SLA: variants seen among roughly 807,000 people sequenced by gnomAD.
SLA encodes the protein Src like adaptor.
In SLA, 16 loss-of-function variants were observed where a neutral mutation model predicts 30.3. That is an observed-to-expected ratio of 0.53 (90% CI 0.36 to 0.80). The LOEUF (loss-of-function observed/expected upper bound fraction) is 0.80, where lower values mean the gene tolerates loss of function less well. Among genes scored for constraint, SLA ranks in the 30% least tolerant of loss-of-function variants. The pLI is 0.01. For synonymous variants in SLA, 143 were observed against 137.8 expected (o/e 1.04, Z -0.26); for missense variants, 310 against 345.2 (o/e 0.90, Z 0.81).
Position 133,072,050 on chromosome 8 carries a change from C to G in SLA, c.-41+2803G>C, listed in dbSNP as rs568820320. The stretch of plus-strand genomic sequence containing the variant: ...ACCGTCTGAGGTAGCTATTTTGCCC[C>G]TAAGCACAAGCCAGCAACAATTCTC... On this transcript the variant is annotated intron_variant, in intron 2 of 8. Transcript: ENST00000338087. Among the ~76,000 whole-genome samples the G allele has an allele frequency of 5.9e-5, 9 of 152,294 alleles. No individual in the cohort carries two copies. The East Asian group carries it at 1.7e-3, about 29-fold the overall frequency.
intron 1 of SLA, among the ~76,000 whole-genome samples, chr8:133,096,046 G>T (rs150574063): frequency 1.1e-3 from 166 of 152,298 alleles, no homozygotes; most frequent in African/African-American, 3.7e-3. Context: ...CCCTGACTTT[G>T]TCACATGGTG....
intron 2 of SLA, among the ~76,000 whole-genome samples, chr8:133,067,702 T>A (rs1289773800): frequency 6.6e-6 from 1 of 151,588 alleles, no homozygotes; most frequent in Non-Finnish European, 1.5e-5. Flanking sequence ...CTTGAACCCG[T>A]GAGGCAGAGG....
intron 3 of SLA, among the ~76,000 whole-genome samples, chr8:133,057,263 A>G (rs1015638957): frequency 6.6e-6 from 1 of 152,166 alleles, no homozygotes; most frequent in African/African-American, 2.4e-5. Flanking sequence ...TGCTCATTTT[A>G]AGGTGGAAAT....
intron 1 of SLA, among the ~76,000 whole-genome samples, chr8:133,091,291 C>A (rs577366963): frequency 6.6e-6 from 1 of 152,332 alleles, no homozygotes; most frequent in African/African-American, 2.4e-5. Flanking sequence ...CCCATCCTTC[C>A]CCTCTCCATG....
chr8:133,085,727 A>G (rs994294682), intron 1 of SLA, among the ~76,000 whole-genome samples: 1 of 152,250 alleles, frequency 6.6e-6, no homozygotes, highest in Non-Finnish European at 1.5e-5. Flanking sequence ...TGTAAGCATT[A>G]CTGAAGATAT....
intron 4 of SLA, 22 bp downstream of exon 4, chr8:133,050,794 A>C (rs765446572): frequency 6.8e-7 from 1 of 1,469,562 alleles, no homozygotes; most frequent in Non-Finnish European, 9.5e-7. Flanking sequence ...AAGATTGCAC[A>C]AGTTTTGGAG....
chr8:133,047,566 T>C (rs1839663648), intron 6 of SLA: 9 of 499,934 alleles, frequency 1.8e-5, no homozygotes, highest in South Asian at 1.4e-4. Context: ...TCTCAGTTGC[T>C]GGAAAAATTT....
intron 1 of SLA, among the ~76,000 whole-genome samples, chr8:133,100,619 C>A (rs1264013995): frequency 1.3e-5 from 2 of 152,106 alleles, no homozygotes; most frequent in Admixed American, 6.5e-5. Context: ...AGAGAGAAAC[C>A]AGAATTAAAA....
In SLA at chr8:133,051,223, C is replaced by T. The variant is rs376590688; in HGVS notation, c.62-308G>A. ...TGGGGTCTGGCTTCAGCGCCTGTTA[C>T]GAGTCTACTAGCCTCACCCTCTCCA... On this transcript the variant is annotated intron_variant, in intron 3 of 8. Coordinates refer to ENST00000338087, the MANE Select transcript of SLA (RefSeq NM_001045556.3). 1.2e-4 allele frequency among the ~76,000 whole-genome samples: 19 copies of T among 152,296 alleles called. No homozygotes were observed. The East Asian group carries it at 2.3e-3, about 19-fold the overall frequency.
Position 133,038,359 on chromosome 8 carries a change from T to G in SLA, c.*165A>C, listed in dbSNP as rs957833559. On this transcript the variant is annotated 3_prime_UTR_variant, in exon 9 of 9. Coordinates refer to ENST00000338087, the MANE Select transcript of SLA (RefSeq NM_001045556.3). ...CACCAGGGAGGGGTTCCTTTGGTCA[T>G]GATGTGGATAGAGAAGATGCGAATT... is the stretch of plus-strand genomic sequence containing the variant. The G allele has an allele frequency of 3.2e-6, 2 of 623,396 alleles. No individual in the cohort carries two copies. The highest frequency in any genetic ancestry group is 5.7e-6 in the Non-Finnish European group (2 of 350,272). The allele number at this position is 623,396 out of a possible 1,614,324, so 38.6% of individuals were successfully genotyped here. A position where few individuals can be genotyped will look rare whatever the true frequency, so the allele number is the denominator to read the frequency against.
At chr8:133,069,855 A>C (rs1327032353) in intron 2 of SLA, among the ~76,000 whole-genome samples, 1 of 151,822 alleles carries the variant, frequency 6.6e-6, no homozygotes, top group East Asian at 1.9e-4. Context: ...TACAAAAATC[A>C]GCTGGGCGTG....
intron 6 of SLA, 135 bp downstream of exon 6, chr8:133,047,695 G>T (rs1393767621): frequency 2.9e-6 from 2 of 692,314 alleles, no homozygotes; most frequent in East Asian, 5.4e-5. Flanking sequence ...CGTGTGGGCT[G>T]CAGGGAGCTT....
At chr8:133,043,994 C>G (rs375709246) in intron 7 of SLA, among the ~76,000 whole-genome samples, 3 of 152,140 alleles carry the variant, frequency 2.0e-5, no homozygotes, top group Non-Finnish European at 4.4e-5. Context: ...GGCCAGGCAC[C>G]CTCCCCACTT....
chr8:133,094,912 C>A, intron 1 of SLA: 1 of 1,185,292 alleles, frequency 8.4e-7, no homozygotes, highest in Non-Finnish European at 1.3e-6. Flanking sequence ...TTGTGTGCAG[C>A]CCCAGAATGG....
chr8:133,042,420 A>G (rs1838437817), intron 7 of SLA, among the ~76,000 whole-genome samples: 1 of 151,948 alleles, frequency 6.6e-6, no homozygotes, highest in Non-Finnish European at 1.5e-5. Flanking sequence ...TGTATGCCCC[A>G]TGCACTCTGT....
intron 1 of SLA, among the ~76,000 whole-genome samples, chr8:133,098,609 C>A (rs1196844856): frequency 6.6e-6 from 1 of 152,230 alleles, no homozygotes; most frequent in Non-Finnish European, 1.5e-5. Flanking sequence ...CCATCTTCGA[C>A]TTTTGAAAGA....
intron 1 of SLA, among the ~76,000 whole-genome samples, chr8:133,083,798 A>T (rs1163016484): frequency 6.6e-6 from 1 of 152,152 alleles, no homozygotes; most frequent in African/African-American, 2.4e-5. Context: ...TCACGGACTC[A>T]CATGTGCCCT....
At chr8:133,102,029 A>T (rs1849322073) in intron 1 of SLA, among the ~76,000 whole-genome samples, 1 of 152,240 alleles carries the variant, frequency 6.6e-6, no homozygotes, top group African/African-American at 2.4e-5. Flanking sequence ...CCTCATAAAG[A>T]TGTTCAAAAA....
chr8:133,086,710 T>C (rs543673168), intron 1 of SLA, among the ~76,000 whole-genome samples: 2 of 152,324 alleles, frequency 1.3e-5, no homozygotes, highest in African/African-American at 4.8e-5. Context: ...TATTTACAAT[T>C]TGTAATGCAC....
Sources: gnomAD v4.1 joint callset for allele counts (sites outside exome capture counted in the v4.1 genomes callset) on GRCh38, gnomAD v4.1.1 for gene constraint, MANE v1.5 for transcripts, NCBI Gene and HGNC (gene_info 2026-07-23, HGNC 2026-07-21) for gene names.